The following NRP2 variants were observed in gnomAD, a reference collection of about 807,000 sequenced individuals.
The protein encoded by NRP2 is neuropilin-2.
NRP2 carries 52 observed loss-of-function variants against 110.4 expected under a neutral mutation model. The ratio of observed to expected loss-of-function variants is 0.47; its 90% CI spans 0.38 to 0.59. The LOEUF is 0.59. NRP2 is among the 20% of genes least tolerant of loss of function. NRP2 has a pLI of 0.00. For synonymous variants in NRP2, 508 were observed against 468.9 expected (o/e 1.08, Z -1.08); for missense variants, 1,049 against 1,203.0 (o/e 0.87, Z 1.89).
intron 15 of NRP2, among the ~76,000 whole-genome samples, chr2:205,787,112 G>A (rs2058244060): frequency 1.3e-5 from 2 of 152,164 alleles, no homozygotes; most frequent in African/African-American, 4.8e-5. Flanking sequence ...TTCTAGAGGA[G>A]AGGAGAGCAT....
chr2:205,722,224 T>A (rs1185250138), intron 3 of NRP2: 16 of 427,740 alleles, frequency 3.7e-5, no homozygotes, highest in East Asian at 2.0e-4. Context: ...TCTCTGTACC[T>A]CCACCCCACT....
At chr2:205,683,571 T>C (rs1317264408) in intron 1 of NRP2, among the ~76,000 whole-genome samples, 20 of 151,866 alleles carry the variant, frequency 1.3e-4, no homozygotes, top group Non-Finnish European at 2.8e-4. Context: ...TGTGTGTGTG[T>C]GTGTGTGTGT....
At chr2:205,776,373 C>T (rs774688833) in intron 15 of NRP2, 1 of 1,613,270 alleles carries the variant, frequency 6.2e-7, no homozygotes, top group Non-Finnish European at 8.5e-7. Context: ...TCGCGCTGGC[C>T]CTGGTGCTCC....
intron 9 of NRP2, among the ~76,000 whole-genome samples, chr2:205,745,365 G>A (rs368599647): frequency 5.0e-4 from 76 of 152,214 alleles, no homozygotes; most frequent in African/African-American, 1.8e-3. Flanking sequence ...TGTAGACCAG[G>A]AATTCAGAAC....
intron 2 of NRP2, among the ~76,000 whole-genome samples, chr2:205,709,662 C>CT (rs1188286454): frequency 6.6e-6 from 1 of 152,190 alleles, no homozygotes; most frequent in Non-Finnish European, 1.5e-5. Context: ...TTTAACGTTT[C>CT]TTTTGTCACA....
chr2:205,715,828 T>C (rs1484456238), intron 2 of NRP2, among the ~76,000 whole-genome samples: 1 of 152,150 alleles, frequency 6.6e-6, no homozygotes, highest in Non-Finnish European at 1.5e-5. Flanking sequence ...CAGCTTGCAA[T>C]GTCACAGAGC....
In NRP2 at chr2:205,682,949, C is replaced by T. The variant is rs938002805; in HGVS notation, c.-342C>T. On this transcript the variant is annotated 5_prime_UTR_variant, in exon 1 of 17. Coordinates refer to ENST00000357785, the MANE Select transcript of NRP2 (RefSeq NM_003872.3). This position sits in a 1 kb window ranked among gnomAD's most constrained non-coding sequence, Gnocchi z 4.3. ...TATTATTATTATCATTATTGTTACG[C>T]TTGGCTTTCGGGAAATACTCGTGAT... is the stretch of plus-strand genomic sequence containing the variant. The T allele has an allele frequency of 5.8e-5, 16 of 274,276 alleles. No homozygotes were observed. The highest frequency in any genetic ancestry group is 1.1e-4 in the Non-Finnish European group (16 of 142,902). 17.0% of individuals were successfully genotyped at this position (274,276 alleles called of 1,614,324 possible).
chr2:205,761,820 C>G (rs953565965), intron 12 of NRP2: 1 of 152,204 alleles, frequency 6.6e-6, no homozygotes. Flanking sequence ...ATCACTTTAA[C>G]CTTTCTGAGC....
intron 9 of NRP2, 154 bp downstream of exon 9, chr2:205,743,706 C>G (rs1559342303): frequency 7.1e-7 from 1 of 1,405,906 alleles, no homozygotes; most frequent in Non-Finnish European, 9.4e-7. Flanking sequence ...TTACTTTGTG[C>G]CAGGCACTGT....
intron 11 of NRP2, 155 bp from the exon 12 acceptor site, chr2:205,752,680 C>A (rs143519588): frequency 6.4e-6 from 5 of 775,220 alleles, no homozygotes; most frequent in South Asian, 1.6e-5. Context: ...CGAAAGCCAG[C>A]GATCGCCAAG....
At chr2:205,758,652 G>A (rs1175264479) in intron 12 of NRP2, among the ~76,000 whole-genome samples, 2 of 152,198 alleles carry the variant, frequency 1.3e-5, no homozygotes, top group African/African-American at 2.4e-5. Context: ...TTGGGTCAAG[G>A]ACCCAGCGAA....
chr2:205,733,335 G>T (rs2057278375), intron 7 of NRP2, among the ~76,000 whole-genome samples: 1 of 152,218 alleles, frequency 6.6e-6, no homozygotes, highest in Admixed American at 6.5e-5. Context: ...GGCCCCGGCT[G>T]TGCACAGAGG....
chr2:205,793,756 A>C (rs985705484), intron 16 of NRP2, among the ~76,000 whole-genome samples: 2 of 152,154 alleles, frequency 1.3e-5, no homozygotes, highest in Non-Finnish European at 2.9e-5. Context: ...TTTTAACTTG[A>C]TAACATCTGT....
At chr2:205,716,468 C>T in intron 3 of NRP2, 94 bp downstream of exon 3, 13 of 1,279,472 alleles carry the variant, frequency 1.0e-5, no homozygotes, top group Non-Finnish European at 1.5e-5. Context: ...GTAAGGGTGA[C>T]AGTGTCATCC....
intron 7 of NRP2, among the ~76,000 whole-genome samples, chr2:205,728,923 C>A (rs2057183295): frequency 3.3e-5 from 5 of 152,124 alleles, no homozygotes; most frequent in Admixed American, 3.3e-4. Flanking sequence ...TTCCTAGGGG[C>A]TGCCTGTCCT....
chr2:205,746,083 T>G (rs1433509787), intron 10 of NRP2, among the ~76,000 whole-genome samples, 193 bp downstream of exon 10: 3 of 152,174 alleles, frequency 2.0e-5, no homozygotes, highest in Admixed American at 6.5e-5. Flanking sequence ...TCTCAAGGGA[T>G]GTACTTTGTC....
At chr2:205,689,532 T>C (rs2056258485) in intron 1 of NRP2, among the ~76,000 whole-genome samples, 2 of 152,234 alleles carry the variant, frequency 1.3e-5, no homozygotes, top group Admixed American at 1.3e-4. Context: ...TTTATGAGAT[T>C]TAAAAAATAA....
intron 1 of NRP2, among the ~76,000 whole-genome samples, chr2:205,685,988 A>G (rs2105857108): frequency 6.6e-6 from 1 of 152,168 alleles, no homozygotes; most frequent in Non-Finnish European, 1.5e-5. Context: ...GCGTGCGGCC[A>G]TCCACGTGGT....
intron 1 of NRP2, among the ~76,000 whole-genome samples, chr2:205,697,159 T>G (rs1259592129): frequency 6.6e-6 from 1 of 151,350 alleles, no homozygotes; most frequent in Non-Finnish European, 1.5e-5. Flanking sequence ...GAGATAAAGA[T>G]AGAGATAGGA....
Sources: allele counts gnomAD v4.1 joint callset (sites outside exome capture counted in the v4.1 genomes callset), GRCh38; gene constraint gnomAD v4.1.1; non-coding constraint Gnocchi (gnomAD v3.1); transcripts MANE v1.5; gene names NCBI Gene and HGNC (gene_info 2026-07-23, HGNC 2026-07-21).